The following TMPRSS11D variants were observed in gnomAD, a reference collection of about 807,000 sequenced individuals.
TMPRSS11D encodes transmembrane serine protease 11D.
Under a neutral mutation model 44.4 loss-of-function variants are expected in TMPRSS11D, and 32 were observed. The observed-to-expected ratio is 0.72, with a 90% CI of 0.54 to 0.97. The LOEUF is 0.97. Ranked by LOEUF, TMPRSS11D falls within the 50% of genes least tolerant of loss-of-function variation. TMPRSS11D has a pLI of 0.00. For synonymous variants in TMPRSS11D, 179 were observed against 177.9 expected, an observed-to-expected ratio of 1.01 and a Z score of -0.05; for missense variants, 446 against 502.6, an observed-to-expected ratio of 0.89 and a Z score of 1.08.
chr4:67,855,179 C>G (rs530703961), intron 2 of TMPRSS11D, among the ~76,000 whole-genome samples: 1 of 150,040 alleles, frequency 6.7e-6, no homozygotes, highest in African/African-American at 2.5e-5. Flanking sequence ...TGCTTGAACC[C>G]GGGAGGCAGA....
At chr4:67,871,875 G>A (rs17577246) in intron 1 of TMPRSS11D, among the ~76,000 whole-genome samples, 22,269 of 152,100 alleles carry the variant, frequency 0.15, 2,136 homozygotes, top group Middle Eastern at 0.26. Flanking sequence ...ATGATGCTAA[G>A]AGTTTAAGTA....
intron 3 of TMPRSS11D, among the ~76,000 whole-genome samples, chr4:67,849,081 A>T (rs919978185): frequency 1.3e-5 from 2 of 152,130 alleles, no homozygotes; most frequent in African/African-American, 4.8e-5. Context: ...AATGGATTTG[A>T]AGGAAATACA....
chr4:67,826,429 TG>T (rs1351925360), intron 8 of TMPRSS11D, among the ~76,000 whole-genome samples: 1 of 152,122 alleles, frequency 6.6e-6, no homozygotes, highest in Non-Finnish European at 1.5e-5. Flanking sequence ...ATCTACAACA[TG>T]GGTAAAAGCC....
intron 1 of TMPRSS11D, among the ~76,000 whole-genome samples, chr4:67,882,467 C>G (rs1409793400): frequency 6.6e-6 from 1 of 152,078 alleles, no homozygotes; most frequent in East Asian, 1.9e-4. Flanking sequence ...TGTCAAATTT[C>G]CTGTACAATG....
intron 7 of TMPRSS11D, among the ~76,000 whole-genome samples, chr4:67,830,774 T>C (rs189000836): frequency 2.8e-4 from 43 of 152,182 alleles, no homozygotes; most frequent in African/African-American, 9.9e-4. Flanking sequence ...TAGAGCATCA[T>C]TTTGGAACCA....
At chr4:67,841,006 T>C (rs771989470) in intron 4 of TMPRSS11D, among the ~76,000 whole-genome samples, 1 of 151,868 alleles carries the variant, frequency 6.6e-6, no homozygotes, top group African/African-American at 2.4e-5. Flanking sequence ...CATACATAGA[T>C]AAAAGATAAA....
chr4:67,841,279 A>G (rs1419780425), intron 4 of TMPRSS11D, among the ~76,000 whole-genome samples: 1 of 152,208 alleles, frequency 6.6e-6, no homozygotes, highest in African/African-American at 2.4e-5. Context: ...GGCCTAGAGC[A>G]CAGCCTGATG....
intron 2 of TMPRSS11D, among the ~76,000 whole-genome samples, chr4:67,854,883 A>G (rs1478532895): frequency 1.3e-5 from 2 of 152,204 alleles, no homozygotes; most frequent in Non-Finnish European, 2.9e-5. Context: ...CAAAAACATC[A>G]AACAGGAGGG....
At position 67,866,778 on chromosome 4, in the gene TMPRSS11D, G is replaced by A. The variant is rs565496649; in HGVS notation, c.9-7100C>T. On this transcript the variant is annotated intron_variant, in intron 1 of 9. Transcript: ENST00000283916. ...ATATATCGGAATATATTTAACCAAGGAAGTAAAAGATCTCTACAAGGAAAA... is the reference window on the plus strand; with the variant it reads ...ATATATCGGAATATATTTAACCAAGAAAGTAAAAGATCTCTACAAGGAAAA... Among the ~76,000 whole-genome samples, 118 of 151,708 alleles carry A rather than the reference G, an allele frequency of 7.8e-4. 1 individual carries two copies. Among genetic ancestry groups the A allele is most frequent in the Admixed American group, 1.5e-3 (23 of 15,232 alleles).
intron 1 of TMPRSS11D, among the ~76,000 whole-genome samples, chr4:67,882,829 G>A (rs1719351522): frequency 6.6e-6 from 1 of 151,808 alleles, no homozygotes; most frequent in Admixed American, 6.6e-5. Context: ...GCTTTACAAA[G>A]TAGTAGTTGA....
At position 67,879,471 on chromosome 4, in the gene TMPRSS11D, C is replaced by CAAAAA. The variant is rs58768044; in HGVS notation, c.8+4450_8+4454dup. Among the ~76,000 whole-genome samples, 6 of 108,786 alleles carry CAAAAA rather than the reference C, an allele frequency of 5.5e-5. 1 individual carries two copies. Among genetic ancestry groups the CAAAAA allele is most frequent in the Middle Eastern group, 4.9e-3 (1 of 204 alleles). The allele number at this position is 108,786 out of a possible 152,430, so 71.4% of individuals were successfully genotyped here. Reference sequence around the variant, plus strand: ...TGGGCGACAGAGCGAGACTCCTTCTCAAAAAAAAAAAAAAAAAAGAAAAGC... The same window carrying CAAAAA: ...TGGGCGACAGAGCGAGACTCCTTCTCAAAAAAAAAAAAAAAAAAAAAAAGAAAAGC... On this transcript the variant is annotated intron_variant, in intron 1 of 9. Transcript: ENST00000283916.
At chr4:67,826,114 C>G (rs1359484182) in intron 8 of TMPRSS11D, among the ~76,000 whole-genome samples, 1 of 151,756 alleles carries the variant, frequency 6.6e-6, no homozygotes, top group Non-Finnish European at 1.5e-5. Flanking sequence ...CACAGTGCCC[C>G]TTAAAATTTT....
chr4:67,881,095 C>G (rs577964822), intron 1 of TMPRSS11D, among the ~76,000 whole-genome samples: 20 of 152,310 alleles, frequency 1.3e-4, no homozygotes, highest in Non-Finnish European at 2.8e-4. Context: ...CATGCCAAGT[C>G]TTCTTTGCTC....
intron 1 of TMPRSS11D, among the ~76,000 whole-genome samples, chr4:67,862,121 C>G (rs1403832260): frequency 6.6e-6 from 1 of 152,022 alleles, no homozygotes; most frequent in African/African-American, 2.4e-5. Context: ...CACTCTTTCT[C>G]TTTTTTATTG....
chr4:67,849,132 T>C (rs996220731), intron 3 of TMPRSS11D, among the ~76,000 whole-genome samples: 1 of 152,148 alleles, frequency 6.6e-6, no homozygotes, highest in Non-Finnish European at 1.5e-5. Context: ...ATAGGATATT[T>C]GGAATGATAG....
Position 67,822,036 on chromosome 4 carries a change from T to A in TMPRSS11D, c.*301A>T, listed in dbSNP as rs908157369. The A allele has an allele frequency of 7.9e-6, 2 of 251,720 alleles. No individual in the cohort carries two copies. Among genetic ancestry groups the A allele is most frequent in the African/African-American group, 4.4e-5 (2 of 45,646 alleles). The allele number at this position is 251,720 out of a possible 1,614,324, so 15.6% of individuals were successfully genotyped here. A position where few individuals can be genotyped will look rare whatever the true frequency, so the allele number is the denominator to read the frequency against. On this transcript the variant is annotated 3_prime_UTR_variant, in exon 10 of 10. Transcript: ENST00000283916. The stretch of plus-strand genomic sequence containing the variant: ...CTCTACTATACATGCTCAAGGTTCC[T>A]GTTCTTCTCACTACGGGCATTTAGC...
intron 7 of TMPRSS11D, among the ~76,000 whole-genome samples, chr4:67,828,888 AG>A (rs1350588086): frequency 1.3e-5 from 2 of 152,240 alleles, no homozygotes; most frequent in African/African-American, 4.8e-5. Context: ...GACCTTCTAA[AG>A]GGTCAGTGAA....
chr4:67,836,374 C>T (rs1268506318), intron 5 of TMPRSS11D, among the ~76,000 whole-genome samples: 3 of 152,070 alleles, frequency 2.0e-5, no homozygotes, highest in African/African-American at 7.2e-5. Flanking sequence ...ATTTTTATTT[C>T]CTGCAAGTTA....
At chr4:67,881,090 CA>C (rs1343046285) in intron 1 of TMPRSS11D, among the ~76,000 whole-genome samples, 2 of 152,158 alleles carry the variant, frequency 1.3e-5, no homozygotes, top group African/African-American at 4.8e-5. Context: ...GAAATCATGC[CA>C]AGTCTTCTTT....
Sources: gnomAD v4.1 joint callset for allele counts (sites outside exome capture counted in the v4.1 genomes callset) on GRCh38, gnomAD v4.1.1 for gene constraint, MANE v1.5 for transcripts, NCBI Gene and HGNC (gene_info 2026-07-23, HGNC 2026-07-21) for gene names.